LAMA3: variants seen among roughly 807,000 people sequenced by gnomAD.
LAMA3 encodes the protein laminin subunit alpha 3.
LAMA3 carries 281 observed loss-of-function variants against 402.0 expected under a neutral mutation model. The ratio of observed to expected loss-of-function variants is 0.70; its 90% CI spans 0.63 to 0.77. The LOEUF is 0.77. Ranked by LOEUF, LAMA3 falls within the 30% of genes least tolerant of loss-of-function variation. The pLI, the probability that LAMA3 is intolerant of heterozygous loss-of-function variation, is 0.00. For missense variants in LAMA3, 3,840 were observed against 4,215.5 expected, an observed-to-expected ratio of 0.91 and a Z score of 2.47; for synonymous variants, 1,431 against 1,558.4, an observed-to-expected ratio of 0.92 and a Z score of 1.93.
intron 58 of LAMA3, 144 bp downstream of exon 58, chr18:23,915,004 A>T (rs1342747044): frequency 1.3e-6 from 1 of 761,308 alleles, no homozygotes; most frequent in African/African-American, 1.7e-5. Flanking sequence ...ACTAGCTAAC[A>T]CTTATTGAGT....
intron 4 of LAMA3, among the ~76,000 whole-genome samples, chr18:23,750,667 CG>C: frequency 6.6e-6 from 1 of 152,024 alleles, no homozygotes; most frequent in South Asian, 2.1e-4. Context: ...GCTTTGAAAA[CG>C]TAATGATAAC....
intron 32 of LAMA3, among the ~76,000 whole-genome samples, chr18:23,855,465 C>T (rs1598930158): frequency 6.6e-6 from 1 of 152,198 alleles, no homozygotes; most frequent in Non-Finnish European, 1.5e-5. Flanking sequence ...GCTCCACACT[C>T]GCTGTCTCTC....
Position 23,773,489 on chromosome 18 carries a change from C to A in LAMA3, c.1183-8C>A, listed in dbSNP as rs376488418. 30 of 1,574,232 alleles carry A rather than the reference C, an allele frequency of 1.9e-5. No individual in the cohort carries two copies. The African/African-American group carries it at 2.4e-4, about 13-fold the overall frequency. On this transcript the variant is annotated splice_region_variant and splice_polypyrimidine_tract_variant and intron_variant, in intron 8 of 74. Transcript: ENST00000313654. ...CCCTTCCTTTAAGTTTCTTTTGTTT[C>A]TTTCTAGCACAACACAGCTGGAGTA...
intron 1 of LAMA3, among the ~76,000 whole-genome samples, chr18:23,696,785 C>A (rs1170964461): frequency 6.6e-6 from 1 of 152,242 alleles, no homozygotes; most frequent in Non-Finnish European, 1.5e-5. Flanking sequence ...CAGGCGTGAG[C>A]CACTGCACCC....
At chr18:23,719,975 G>A (rs1194575921) in intron 2 of LAMA3, among the ~76,000 whole-genome samples, 1 of 152,202 alleles carries the variant, frequency 6.6e-6, no homozygotes, top group Non-Finnish European at 1.5e-5. Flanking sequence ...GCTTCAGGAG[G>A]CCAGGGACTA....
chr18:23,778,980 A>T (rs1445840009), intron 11 of LAMA3, among the ~76,000 whole-genome samples: 2 of 152,344 alleles, frequency 1.3e-5, no homozygotes, highest in Admixed American at 1.3e-4. Context: ...TAGAGCAGTC[A>T]GAGAAGGCCT....
At chr18:23,860,330 C>G (rs2064189000) in intron 34 of LAMA3, among the ~76,000 whole-genome samples, 1 of 144,086 alleles carries the variant, frequency 6.9e-6, no homozygotes, top group South Asian at 2.2e-4. Flanking sequence ...GTGATCACAG[C>G]TCATTGCAAC....
At chr18:23,940,223 G>A (rs539800787) in intron 68 of LAMA3, among the ~76,000 whole-genome samples, 54 of 152,350 alleles carry the variant, frequency 3.5e-4, no homozygotes, top group African/African-American at 1.2e-3. Context: ...ACTGTGAGGG[G>A]AGGGCGCAGG....
chr18:23,765,519 C>A (rs2062057729), intron 8 of LAMA3, among the ~76,000 whole-genome samples: 1 of 152,084 alleles, frequency 6.6e-6, no homozygotes, highest in Non-Finnish European at 1.5e-5. Context: ...ATTTGGAATC[C>A]TTACAACACA....
chr18:23,954,644 A>T lies in LAMA3; in HGVS notation c.9998A>T (p.Gln3333Leu). 6.2e-7 allele frequency: 1 copy of T among 1,614,138 alleles called. No homozygotes were observed. The highest frequency in any genetic ancestry group is 2.2e-5 in the East Asian group (1 of 44,878). Reference sequence around the variant, plus strand: ...GTCAGTCTGAATGGTTGTCCTGACCAGTAACCCAAGCCTATTTCACAGCAA... The same window carrying T: ...GTCAGTCTGAATGGTTGTCCTGACCTGTAACCCAAGCCTATTTCACAGCAA... ...GPVSLNGCPD[Q>L] The change falls in exon 75 of 75, where the codon CAG becomes CTG. Residue 3333 changes from glutamine to leucine, a missense_variant. By Grantham distance (113) the Gln-to-Leu change is moderately radical. Coordinates refer to ENST00000313654, the MANE Select transcript of LAMA3 (RefSeq NM_198129.4).
At chr18:23,851,429 C>T (rs561641471) in intron 32 of LAMA3, among the ~76,000 whole-genome samples, 1 of 152,354 alleles carries the variant, frequency 6.6e-6, no homozygotes, top group African/African-American at 2.4e-5. Context: ...GCCGCTCACT[C>T]TCTGGGTGAC....
chr18:23,854,852 G>T (rs1290978738), intron 32 of LAMA3, among the ~76,000 whole-genome samples: 1 of 151,038 alleles, frequency 6.6e-6, no homozygotes, highest in Non-Finnish European at 1.5e-5. Context: ...GGGCATGGTG[G>T]TAGGCGCCTG....
intron 21 of LAMA3, among the ~76,000 whole-genome samples, chr18:23,826,487 A>G (rs2063384075): frequency 6.6e-6 from 1 of 152,194 alleles, no homozygotes; most frequent in African/African-American, 2.4e-5. Flanking sequence ...AACTGTTCAC[A>G]CTGACAAGTT....
chr18:23,693,727 G>A (rs2060635372), intron 1 of LAMA3, among the ~76,000 whole-genome samples: 1 of 152,116 alleles, frequency 6.6e-6, no homozygotes, highest in South Asian at 2.1e-4. Flanking sequence ...TTTGGGGGGA[G>A]ATTTTAATTT....
In LAMA3 at chr18:23,816,438, T is replaced by G; in HGVS notation, c.2098T>G (p.Ser700Ala). The G allele has an allele frequency of 6.2e-7, 1 of 1,614,064 alleles. No homozygotes were observed. The highest frequency in any genetic ancestry group is 8.5e-7 in the Non-Finnish European group (1 of 1,179,992). ...ATTGTCCTCCATGTGCAGTGGGCCC[T>G]CGGGAGTGTGCCAGTGCCGAGAGCA... ...GALSSMCSGPSGVCQCREHVV... is the reference protein window; with the variant it reads ...GALSSMCSGPAGVCQCREHVV... The change falls in exon 18 of 75, where the codon TCG becomes GCG. Residue 700 changes from serine to alanine, a missense_variant. This residue lies in a region of LAMA3 where 2,109 missense variants were observed against 2,376.0 expected (regional missense o/e 0.89). Coordinates refer to ENST00000313654, the MANE Select transcript of LAMA3 (RefSeq NM_198129.4).
intron 39 of LAMA3, among the ~76,000 whole-genome samples, chr18:23,881,586 A>G (rs1157518932): frequency 1.3e-5 from 2 of 152,196 alleles, no homozygotes; most frequent in Non-Finnish European, 2.9e-5. Flanking sequence ...TTGTATGTAA[A>G]TCATACACTA....
At chr18:23,882,313 T>G (rs1313535539) in intron 40 of LAMA3, among the ~76,000 whole-genome samples, 1 of 152,090 alleles carries the variant, frequency 6.6e-6, no homozygotes, top group Non-Finnish European at 1.5e-5. Flanking sequence ...GATATTAAAA[T>G]GAACAAACAC....
intron 1 of LAMA3, among the ~76,000 whole-genome samples, chr18:23,706,212 A>C (rs1202556215): frequency 6.6e-6 from 1 of 152,098 alleles, no homozygotes; most frequent in Non-Finnish European, 1.5e-5. Flanking sequence ...CTGTTAGTTC[A>C]TCCACCCTCC....
At chr18:23,750,604 G>A (rs1439683577) in intron 4 of LAMA3, among the ~76,000 whole-genome samples, 1 of 151,650 alleles carries the variant, frequency 6.6e-6, no homozygotes, top group African/African-American at 2.4e-5. Context: ...TTAACATTAT[G>A]TTTTCAACAT....
Sources: allele counts gnomAD v4.1 joint callset (sites outside exome capture counted in the v4.1 genomes callset), GRCh38; gene constraint gnomAD v4.1.1; regional missense constraint gnomAD v4.1.1; transcripts MANE v1.5; gene names NCBI Gene and HGNC (gene_info 2026-07-23, HGNC 2026-07-21).